AFF3: variants seen among roughly 807,000 people sequenced by gnomAD.
AFF3 encodes the protein AF4/FMR2 family member 3.
Under a neutral mutation model 129.7 loss-of-function variants are expected in AFF3, and 32 were observed. The observed-to-expected ratio is 0.25, with a 90% CI of 0.19 to 0.33. The LOEUF (loss-of-function observed/expected upper bound fraction) is 0.33, where lower values mean the gene tolerates loss of function less well. Among genes scored for constraint, AFF3 ranks in the 10% least tolerant of loss-of-function variants. The pLI is 1.00. For missense variants in AFF3, 1,373 were observed against 1,592.0 expected (o/e 0.86, Z 2.34); for synonymous variants, 644 against 635.4 (o/e 1.01, Z -0.20).
In AFF3 at chr2:99,582,899, A is replaced by G; in HGVS notation, c.2692T>C (p.Ser898Pro). ...KHKYTSEDLT[S>P]SSRPNGNSLF... ...CTGTTGCCATTAGGTCGGCTGGAAG[A>G]AGTTAAGTCCTCGCTGGTGTATTTG... is the stretch of plus-strand genomic sequence containing the variant. The change falls in exon 17 of 25, where the codon TCT (serine) becomes CCT (proline). Residue 898 changes from serine to proline, a missense_variant. Around this residue, in one of 9 missense-constraint regions of AFF3, gnomAD observed 466 missense variants for 505.0 expected, o/e 0.92. Coordinates refer to ENST00000672756, the MANE Select transcript of AFF3 (RefSeq NM_001386135.1). 1 of 1,614,184 alleles carries G rather than the reference A, an allele frequency of 6.2e-7. No individual in the cohort carries two copies. Among genetic ancestry groups the G allele is most frequent in the Non-Finnish European group, 8.5e-7 (1 of 1,180,040 alleles).
intron 22 of AFF3, among the ~76,000 whole-genome samples, chr2:99,555,795 G>A (rs543837283): frequency 2.0e-5 from 3 of 152,222 alleles, no homozygotes; most frequent in East Asian, 3.9e-4. Context: ...GTTTTAGTGC[G>A]GGTGTTATTA....
chr2:100,055,089 C>T (rs956447750), intron 4 of AFF3, among the ~76,000 whole-genome samples: 2 of 152,118 alleles, frequency 1.3e-5, no homozygotes, highest in African/African-American at 2.4e-5. Context: ...ACATACTGTT[C>T]GTTGGCTCAT....
At chr2:100,065,548 C>A (rs1423627978) in intron 4 of AFF3, among the ~76,000 whole-genome samples, 1 of 152,104 alleles carries the variant, frequency 6.6e-6, no homozygotes, top group Non-Finnish European at 1.5e-5. Flanking sequence ...GCTTAAAACA[C>A]AAACATTTAT....
chr2:100,087,250 C>T (rs1299729088), intron 4 of AFF3, among the ~76,000 whole-genome samples: 2 of 152,132 alleles, frequency 1.3e-5, no homozygotes. Flanking sequence ...GAATTTTTTA[C>T]CCCTGTGCTA....
chr2:99,983,947 G>C (rs959277259), intron 7 of AFF3, among the ~76,000 whole-genome samples: 1 of 151,640 alleles, frequency 6.6e-6, no homozygotes, highest in Non-Finnish European at 1.5e-5. Context: ...TAAAACTCTG[G>C]TTTTCAAGCA....
intron 2 of AFF3, among the ~76,000 whole-genome samples, chr2:100,114,080 T>G (rs908263368): frequency 1.2e-4 from 18 of 152,150 alleles, no homozygotes; most frequent in Non-Finnish European, 7.3e-5. Flanking sequence ...AACACCCAGC[T>G]GCCAAACCCA....
In AFF3 at chr2:99,551,464, GGT is replaced by G; in HGVS notation, c.*8_*9del. On this transcript the variant is annotated 3_prime_UTR_variant, in exon 25 of 25. Coordinates refer to ENST00000672756, the MANE Select transcript of AFF3 (RefSeq NM_001386135.1). ...AGACCAGAGCCCACTCTGGCCCCAG[GGT>G]GAGGTCCCTATGACAGGTGGGCGCT... is the stretch of plus-strand genomic sequence containing the variant. The G allele has an allele frequency of 6.2e-7, 1 of 1,613,954 alleles. No homozygotes were observed. Among genetic ancestry groups the G allele is most frequent in the Non-Finnish European group, 8.5e-7 (1 of 1,179,992 alleles).
intron 11 of AFF3, among the ~76,000 whole-genome samples, chr2:99,708,421 T>G (rs574516075): frequency 1.3e-5 from 2 of 152,288 alleles, no homozygotes; most frequent in South Asian, 4.1e-4. Flanking sequence ...ATTAAAGAAG[T>G]CCATCCCAGG....
intron 2 of AFF3, among the ~76,000 whole-genome samples, chr2:100,113,598 C>G (rs903814512): frequency 6.6e-6 from 1 of 152,110 alleles, no homozygotes; most frequent in Non-Finnish European, 1.5e-5. Flanking sequence ...GAACAAACGC[C>G]GTGTACTATA....
At chr2:99,556,499 T>C (rs916301947) in intron 22 of AFF3, among the ~76,000 whole-genome samples, 1 of 152,116 alleles carries the variant, frequency 6.6e-6, no homozygotes, top group East Asian at 1.9e-4. Flanking sequence ...CTAAGCCCCA[T>C]GCCCAAGAAA....
At chr2:99,912,610 C>T (rs1695175131) in intron 7 of AFF3, among the ~76,000 whole-genome samples, 1 of 152,024 alleles carries the variant, frequency 6.6e-6, no homozygotes, top group African/African-American at 2.4e-5. Flanking sequence ...CCCTCGAGAT[C>T]AGAAATCACT....
chr2:100,098,884 T>C lies in AFF3; in HGVS notation c.53+5518A>G, dbSNP rs1326166893. Among the ~76,000 whole-genome samples the C allele has an allele frequency of 2.6e-5, 3 of 116,324 alleles. 1 individual carries two copies. 76.3% of individuals were successfully genotyped at this position (116,324 alleles called of 152,430 possible). A position where few individuals can be genotyped will look rare whatever the true frequency, so the allele number is the denominator to read the frequency against. ...CTCCACAGCGGATGCAACACTCCAC[T>C]GCTTCCCATCGAGGCCCCCTGCCTC... On this transcript the variant is annotated intron_variant, in intron 4 of 24. Coordinates refer to ENST00000672756, the MANE Select transcript of AFF3 (RefSeq NM_001386135.1).
intron 13 of AFF3, among the ~76,000 whole-genome samples, chr2:99,607,577 C>A (rs983973089): frequency 1.3e-5 from 2 of 152,010 alleles, no homozygotes; most frequent in African/African-American, 2.4e-5. Flanking sequence ...AATCTTGGAT[C>A]TCACAGTCAA....
At chr2:99,819,426 G>C (rs745863703) in intron 8 of AFF3, among the ~76,000 whole-genome samples, 5 of 152,116 alleles carry the variant, frequency 3.3e-5, no homozygotes, top group Non-Finnish European at 5.9e-5. Flanking sequence ...AAAGCTCGTC[G>C]CTAATGAATC....
At chr2:99,980,876 A>G (rs1161740900) in intron 7 of AFF3, among the ~76,000 whole-genome samples, 6 of 152,374 alleles carry the variant, frequency 3.9e-5, no homozygotes, top group African/African-American at 7.2e-5. Context: ...AATGCCACCA[A>G]TCAAGATAAG....
At chr2:99,888,456 C>A (rs934319462) in intron 7 of AFF3, among the ~76,000 whole-genome samples, 8 of 152,342 alleles carry the variant, frequency 5.3e-5, no homozygotes, top group Admixed American at 3.3e-4. Context: ...AGCTACAATA[C>A]TAGAAATGTT....
intron 8 of AFF3, among the ~76,000 whole-genome samples, chr2:99,767,320 C>T (rs1558830664): frequency 6.6e-6 from 1 of 152,182 alleles, no homozygotes; most frequent in Non-Finnish European, 1.5e-5. Flanking sequence ...GTCTAATTAG[C>T]ATTTTGGCAA....
chr2:99,593,068 C>T (rs910978173), intron 15 of AFF3, 127 bp downstream of exon 15: 50 of 1,109,372 alleles, frequency 4.5e-5, no homozygotes, highest in Middle Eastern at 3.1e-4. Context: ...GGTAAGGACA[C>T]ACAAAACTCC....
chr2:99,976,112 A>G (rs1576465198), intron 7 of AFF3, among the ~76,000 whole-genome samples: 1 of 152,118 alleles, frequency 6.6e-6, no homozygotes, highest in Admixed American at 6.5e-5. Flanking sequence ...ATTCAAAATT[A>G]AATTCTATTA....
Sources: allele counts gnomAD v4.1 joint callset (sites outside exome capture counted in the v4.1 genomes callset), GRCh38; gene constraint gnomAD v4.1.1; regional missense constraint gnomAD v4.1.1; transcripts MANE v1.5; gene names NCBI Gene and HGNC (gene_info 2026-07-23, HGNC 2026-07-21).